The following MED12L variants were observed in gnomAD, a reference collection of about 807,000 sequenced individuals.
MED12L encodes mediator complex subunit 12L, also known as mediator of RNA polymerase II transcription subunit 12-like protein.
Under a neutral mutation model 281.3 loss-of-function variants are expected in MED12L, and 60 were observed. That is an observed-to-expected ratio of 0.21 (90% CI 0.17 to 0.26). The LOEUF is 0.26. MED12L is among the 10% of genes least tolerant of loss of function. MED12L has a pLI of 1.00. For synonymous variants in MED12L, 974 were observed against 987.2 expected (o/e 0.99, Z 0.25); for missense variants, 2,146 against 2,680.9 (o/e 0.80, Z 4.41).
intron 12 of MED12L, among the ~76,000 whole-genome samples, chr3:151,186,930 T>C (rs2149080172): frequency 6.6e-6 from 1 of 152,296 alleles, no homozygotes; most frequent in Middle Eastern, 3.4e-3. Flanking sequence ...TCAGGAGGTA[T>C]TTGTTGCATG....
chr3:151,418,375 T>C (rs1488405367), intron 43 of MED12L, among the ~76,000 whole-genome samples: 2 of 152,218 alleles, frequency 1.3e-5, no homozygotes, highest in African/African-American at 4.8e-5. Flanking sequence ...TGATTTTCTT[T>C]TTCCCCTGGT....
At chr3:151,101,242 C>T (rs1487677535) in intron 2 of MED12L, among the ~76,000 whole-genome samples, 2 of 152,040 alleles carry the variant, frequency 1.3e-5, no homozygotes, top group African/African-American at 4.8e-5. Flanking sequence ...AATAACATTC[C>T]GTAGAGTGTA....
intron 16 of MED12L, among the ~76,000 whole-genome samples, chr3:151,233,741 C>T (rs1732181655): frequency 6.6e-6 from 1 of 152,112 alleles, no homozygotes; most frequent in Non-Finnish European, 1.5e-5. Flanking sequence ...CTCAAAAAAA[C>T]AAAAACAAAA....
chr3:151,143,405 A>G (rs1000210608), intron 5 of MED12L, among the ~76,000 whole-genome samples: 1 of 152,258 alleles, frequency 6.6e-6, no homozygotes, highest in Non-Finnish European at 1.5e-5. Context: ...ATTCCAATGC[A>G]AAGTGAAAAA....
intron 2 of MED12L, among the ~76,000 whole-genome samples, chr3:151,097,046 T>A (rs1361321678): frequency 6.6e-6 from 1 of 152,198 alleles, no homozygotes; most frequent in Non-Finnish European, 1.5e-5. Flanking sequence ...ATTGTGTTTT[T>A]TGATGGAAGG....
chr3:151,336,665 C>A, intron 16 of MED12L: 1 of 387,468 alleles, frequency 2.6e-6, no homozygotes, highest in Non-Finnish European at 5.1e-6. Context: ...ATAAGTCTGA[C>A]CTGTTTTATC....
intron 16 of MED12L, among the ~76,000 whole-genome samples, chr3:151,345,550 T>C (rs1752429959): frequency 6.7e-6 from 1 of 149,060 alleles, no homozygotes; most frequent in Non-Finnish European, 1.5e-5. Flanking sequence ...CAAGTTTTGC[T>C]CTTGTCACCC....
chr3:151,122,184 T>G (rs1033892209), intron 3 of MED12L, among the ~76,000 whole-genome samples: 1 of 152,244 alleles, frequency 6.6e-6, no homozygotes, highest in Non-Finnish European at 1.5e-5. Context: ...TAATACTAGC[T>G]TTCTCTTGAA....
chr3:151,361,097 A>C (rs1754552328), intron 21 of MED12L, among the ~76,000 whole-genome samples: 1 of 152,020 alleles, frequency 6.6e-6, no homozygotes, highest in Non-Finnish European at 1.5e-5. Context: ...TTCTGAGCTG[A>C]CTTTTTGCAT....
chr3:151,166,564 G>A (rs774796599), intron 11 of MED12L, among the ~76,000 whole-genome samples: 11 of 152,140 alleles, frequency 7.2e-5, no homozygotes, highest in Non-Finnish European at 1.0e-4. Flanking sequence ...TTATGGGGCT[G>A]GCAAATTTGA....
intron 43 of MED12L, among the ~76,000 whole-genome samples, chr3:151,426,269 G>A (rs932562413): frequency 3.3e-5 from 5 of 152,116 alleles, no homozygotes; most frequent in Non-Finnish European, 7.4e-5. Flanking sequence ...GAGGAGTCCC[G>A]GGAGGATAAT....
chr3:151,119,638 A>G (rs571233084), intron 3 of MED12L, among the ~76,000 whole-genome samples: 1 of 152,176 alleles, frequency 6.6e-6, no homozygotes, highest in African/African-American at 2.4e-5. Context: ...CATAACAGAG[A>G]GTATGAATGC....
chr3:151,365,164 A>G lies in MED12L; in HGVS notation c.3143A>G (p.Asn1048Ser), dbSNP rs368452475. 13 of 1,613,944 alleles carry G rather than the reference A, an allele frequency of 8.1e-6. No individual in the cohort carries two copies. The highest frequency in any genetic ancestry group is 4.0e-5 in the African/African-American group (3 of 74,908). ...GCCAATCGCTACAGCTTTGTCTGCA[A>G]TACACTCATGAATGTATGTATGGGC... ...NAANRYSFVC[N>S]TLMNVCMGHQ... Residue 1048 changes from asparagine to serine, a missense_variant, in exon 22 of 45, where the codon AAT becomes AGT. Asn to Ser is a conservative substitution (Grantham distance 46). Transcript: ENST00000687756.
chr3:151,396,476 A>C (rs1239225964), intron 39 of MED12L, among the ~76,000 whole-genome samples: 2 of 152,140 alleles, frequency 1.3e-5, no homozygotes, highest in Non-Finnish European at 2.9e-5. Flanking sequence ...AAATACAAAA[A>C]TTAGGCATGG....
At chr3:151,321,700 A>G (rs1323263671) in intron 16 of MED12L, among the ~76,000 whole-genome samples, 11 of 152,230 alleles carry the variant, frequency 7.2e-5, no homozygotes, top group Non-Finnish European at 1.5e-4. Flanking sequence ...CAAGAGTGGC[A>G]AAAGTTCACA....
chr3:151,375,497 A>G (rs887776551), intron 27 of MED12L, among the ~76,000 whole-genome samples: 14 of 152,186 alleles, frequency 9.2e-5, no homozygotes, highest in South Asian at 2.1e-4. Context: ...TTGCACTTCT[A>G]TGAAATTACC....
Position 151,435,223 on chromosome 3 carries a change from C to G in MED12L, c.*2419C>G, listed in dbSNP as rs530288134. ...CCCCAGCTCCCCTTAAAGACAAGACCTTGAAATCAAATGGAGTCAGCTATA... is the reference window on the plus strand; with the variant it reads ...CCCCAGCTCCCCTTAAAGACAAGACGTTGAAATCAAATGGAGTCAGCTATA... On this transcript the variant is annotated 3_prime_UTR_variant, in exon 45 of 45. Transcript: ENST00000687756. 2 of 143,784 alleles carry G rather than the reference C, an allele frequency of 1.4e-5. No homozygotes were observed. The highest frequency in any genetic ancestry group is 3.0e-5 in the Non-Finnish European group (2 of 66,208). 8.9% of individuals were successfully genotyped at this position (143,784 alleles called of 1,614,324 possible).
chr3:151,360,487 G>T lies in MED12L; in HGVS notation c.2839G>T (p.Val947Phe). The T allele has an allele frequency of 6.2e-7, 1 of 1,612,440 alleles. No individual in the cohort carries two copies. The highest frequency in any genetic ancestry group is 8.5e-7 in the Non-Finnish European group (1 of 1,178,982). Residue 947 changes from valine (V) to phenylalanine (F), a missense_variant, in exon 21 of 45, where the codon GTC (valine) becomes TTC (phenylalanine). Val to Phe is a conservative substitution (Grantham distance 50). This residue lies in a region of MED12L where 404 missense variants were observed against 603.5 expected (regional missense o/e 0.67). Transcript: ENST00000687756. ...AQVFEGLCGV[V>F]KHVVNPSECS... Reference sequence around the variant, plus strand: ...TTTTCTCCTCAGGTTGTGTGGTGTGGTCAAGCATGTCGTAAACCCCTCAGA... The same window carrying T: ...TTTTCTCCTCAGGTTGTGTGGTGTGTTCAAGCATGTCGTAAACCCCTCAGA...
chr3:151,268,213 A>G (rs968169023), intron 16 of MED12L, among the ~76,000 whole-genome samples: 3 of 151,982 alleles, frequency 2.0e-5, no homozygotes, highest in Non-Finnish European at 4.4e-5. Flanking sequence ...TAGGGTATAG[A>G]AAATGTCTCT....
Sources: gnomAD v4.1 joint callset for allele counts (sites outside exome capture counted in the v4.1 genomes callset) on GRCh38, gnomAD v4.1.1 for gene constraint, gnomAD v4.1.1 regional missense constraint, MANE v1.5 for transcripts, NCBI Gene and HGNC (gene_info 2026-07-23, HGNC 2026-07-21) for gene names.